The following PDE1C variants were observed in gnomAD, a reference collection of about 807,000 sequenced individuals.
PDE1C encodes the protein phosphodiesterase 1C.
A neutral mutation model predicts 93.1 loss-of-function variants in PDE1C; 62 were observed. That is an observed-to-expected ratio of 0.67 (90% CI 0.54 to 0.82). The LOEUF (loss-of-function observed/expected upper bound fraction) is 0.82, where lower values mean the gene tolerates loss of function less well. PDE1C is among the 40% of genes least tolerant of loss of function. The pLI, the probability that PDE1C is intolerant of heterozygous loss-of-function variation, is 0.00. For missense variants in PDE1C, 742 were observed against 884.6 expected (o/e 0.84, Z 2.04); for synonymous variants, 325 against 310.1 (o/e 1.05, Z -0.50).
At chr7:32,212,862 G>T (rs1806148540) in intron 1 of PDE1C, among the ~76,000 whole-genome samples, 1 of 152,064 alleles carries the variant, frequency 6.6e-6, no homozygotes, top group African/African-American at 2.4e-5. Flanking sequence ...GCAGGCATCA[G>T]AACCACCGAG....
intron 2 of PDE1C, among the ~76,000 whole-genome samples, chr7:32,031,313 T>C (rs1271996023): frequency 2.6e-5 from 4 of 152,200 alleles, no homozygotes; most frequent in Admixed American, 2.0e-4. Flanking sequence ...ATAATTTTAC[T>C]ATACACTGAT....
chr7:31,822,586 A>G (rs1024142339), intron 14 of PDE1C, among the ~76,000 whole-genome samples: 1 of 152,168 alleles, frequency 6.6e-6, no homozygotes, highest in African/African-American at 2.4e-5. Context: ...GATCAGTTAT[A>G]TGGTTTGAGC....
intron 2 of PDE1C, among the ~76,000 whole-genome samples, chr7:31,997,788 T>A (rs907394263): frequency 1.3e-5 from 2 of 152,142 alleles, no homozygotes; most frequent in Non-Finnish European, 2.9e-5. Flanking sequence ...TGATTGTAGA[T>A]AAAGCCATTT....
chr7:31,685,275 G>A, the PDE1C span, among the ~76,000 whole-genome samples: 12 of 152,196 alleles, frequency 7.9e-5, no homozygotes, highest in African/African-American at 2.2e-4. Context: ...AGGAACGGAG[G>A]GGGGCATGGC....
intron 9 of PDE1C, among the ~76,000 whole-genome samples, chr7:31,842,273 A>T (rs79961595): frequency 0.077 from 11,736 of 152,034 alleles, 536 homozygotes; most frequent in East Asian, 0.2. Flanking sequence ...CTTTTTATGA[A>T]TTTTTTTCCA....
At chr7:31,767,856 G>T (rs1795239899) in intron 17 of PDE1C, among the ~76,000 whole-genome samples, 1 of 152,142 alleles carries the variant, frequency 6.6e-6, no homozygotes, top group Non-Finnish European at 1.5e-5. Flanking sequence ...TAGCTCTCTG[G>T]GGTCTCTTTC....
At chr7:31,835,553 T>TGCGTGC (rs374429198) in intron 11 of PDE1C, among the ~76,000 whole-genome samples, 5 of 150,910 alleles carry the variant, frequency 3.3e-5, no homozygotes, top group South Asian at 4.2e-4. Flanking sequence ...TGTGTGTGTG[T>TGCGTGC]GTGCGTGCAT....
chr7:32,008,872 G>A lies in PDE1C; in HGVS notation c.128+42682C>T, dbSNP rs151337335. On this transcript the variant is annotated intron_variant, in intron 2 of 17. Coordinates refer to ENST00000396191, the MANE Select transcript of PDE1C (RefSeq NM_001191057.4). ...AGTTACAAAAGTTTGTTTACCTTAC[G>A]TGTAAATCAATAGATATTAAAGGTC... Among the ~76,000 whole-genome samples the A allele has an allele frequency of 4.8e-3, 727 of 151,976 alleles. 3 individuals carry two copies. Among genetic ancestry groups the A allele is most frequent in the African/African-American group, 0.016 (650 of 41,418 alleles).
intron 2 of PDE1C, among the ~76,000 whole-genome samples, chr7:31,886,253 T>G (rs1797862932): frequency 6.6e-6 from 1 of 152,224 alleles, no homozygotes; most frequent in African/African-American, 2.4e-5. Flanking sequence ...TCCATGTCAC[T>G]CCTGTCCTCT....
rs1791232766 is a variant in PDE1C at position 31,837,262 on chromosome 7, G to A, written c.1121C>T (p.Thr374Ile). Residue 374 changes from threonine (T) to isoleucine (I), a missense_variant, in exon 11 of 18, where the codon ACA (threonine) becomes ATA (isoleucine). Thr to Ile is a moderately conservative substitution (Grantham distance 89). Around this residue, in one of 4 missense-constraint regions of PDE1C, gnomAD observed 454 missense variants for 459.4 expected, o/e 0.99. Coordinates refer to ENST00000396191, the MANE Select transcript of PDE1C (RefSeq NM_001191057.4). ...TTTTGCTGGATGGCTAATATCTGCT[G>A]TATGCAGCATAAGGGATAAGGCTTT... ...KPKALSLMLH[T>I]ADISHPAKAW... The A allele has an allele frequency of 6.2e-7, 1 of 1,613,732 alleles. No homozygotes were observed. Among genetic ancestry groups the A allele is most frequent in the Middle Eastern group, 1.7e-4 (1 of 6,058 alleles).
intron 2 of PDE1C, among the ~76,000 whole-genome samples, chr7:32,203,203 A>C (rs1436181304): frequency 6.6e-6 from 1 of 151,368 alleles, no homozygotes; most frequent in Non-Finnish European, 1.5e-5. Context: ...GGCATTTCTC[A>C]GTCGTTCCTC....
At chr7:31,812,011 G>A (rs1787614402) in intron 15 of PDE1C, among the ~76,000 whole-genome samples, 1 of 152,132 alleles carries the variant, frequency 6.6e-6, no homozygotes, top group African/African-American at 2.4e-5. Context: ...TTTCCCATGG[G>A]TTGTATCTGG....
At chr7:32,187,534 T>C (rs1305940185) in intron 2 of PDE1C, among the ~76,000 whole-genome samples, 2 of 152,218 alleles carry the variant, frequency 1.3e-5, no homozygotes, top group Non-Finnish European at 2.9e-5. Flanking sequence ...ATGATGGTAT[T>C]TCACATAACA....
rs560836280 is a variant in PDE1C, at chr7:32,019,186, G to T, written c.128+32368C>A. Among the ~76,000 whole-genome samples, 335 of 144,008 alleles carry T rather than the reference G, an allele frequency of 2.3e-3. 2 individuals are homozygous for T. The highest frequency in any genetic ancestry group is 8.0e-3 in the African/African-American group (309 of 38,796). 94.5% of individuals were successfully genotyped at this position (144,008 alleles called of 152,430 possible). ...AAAAAAAAAAAGCAAACATGACAAA[G>T]TCCAAGGTCCCTGGAAGCACAAGGC... is the stretch of plus-strand genomic sequence containing the variant. On this transcript the variant is annotated intron_variant, in intron 2 of 17. Transcript: ENST00000396191.
At chr7:32,325,720 A>G (rs1257138511) in intron 1 of PDE1C, among the ~76,000 whole-genome samples, 1 of 152,232 alleles carries the variant, frequency 6.6e-6, no homozygotes, top group Non-Finnish European at 1.5e-5. Flanking sequence ...GTAGCCACCA[A>G]TTCCTCTTCC....
intron 2 of PDE1C, among the ~76,000 whole-genome samples, chr7:31,952,314 A>C (rs1807489638): frequency 6.6e-6 from 1 of 151,910 alleles, no homozygotes; most frequent in African/African-American, 2.4e-5. Context: ...TAGTGGCGTA[A>C]TCTCGACTCA....
chr7:31,838,687 T>C (rs974516303), intron 9 of PDE1C, among the ~76,000 whole-genome samples: 1 of 152,160 alleles, frequency 6.6e-6, no homozygotes, highest in African/African-American at 2.4e-5. Context: ...TTCACCCCTC[T>C]CTTTTTTCCC....
intron 6 of PDE1C, among the ~76,000 whole-genome samples, chr7:31,868,299 A>G (rs886731063): frequency 1.3e-5 from 2 of 152,212 alleles, no homozygotes; most frequent in Admixed American, 6.5e-5. Flanking sequence ...ATACAAAGAA[A>G]TCAAGAAAAC....
At chr7:32,079,247 C>A (rs1796524769) in intron 3 of PDE1C, among the ~76,000 whole-genome samples, 1 of 141,742 alleles carries the variant, frequency 7.1e-6, no homozygotes, top group Non-Finnish European at 1.6e-5. Context: ...ATACAATGGT[C>A]AATTAAAATA....
Sources: gnomAD v4.1 joint callset for allele counts (sites outside exome capture counted in the v4.1 genomes callset) on GRCh38, gnomAD v4.1.1 for gene constraint, gnomAD v4.1.1 regional missense constraint, MANE v1.5 for transcripts, NCBI Gene and HGNC (gene_info 2026-07-23, HGNC 2026-07-21) for gene names.